PPP3CC: variants seen among roughly 807,000 people sequenced by gnomAD.
The protein encoded by PPP3CC is serine/threonine-protein phosphatase 2B catalytic subunit gamma isoform.
Under a neutral mutation model 60.3 loss-of-function variants are expected in PPP3CC, and 35 were observed. That is an observed-to-expected ratio of 0.58 (90% CI 0.44 to 0.77). The LOEUF (loss-of-function observed/expected upper bound fraction) is 0.77, where lower values mean the gene tolerates loss of function less well. PPP3CC is among the 30% of genes least tolerant of loss of function. The pLI is 0.00. For synonymous variants in PPP3CC, 206 were observed against 224.3 expected, an observed-to-expected ratio of 0.92 and a Z score of 0.73; for missense variants, 570 against 628.9, an observed-to-expected ratio of 0.91 and a Z score of 1.00.
At chr8:22,539,642 A>C in intron 13 of PPP3CC, 144 bp downstream of exon 13, 1 of 807,230 alleles carries the variant, frequency 1.2e-6, no homozygotes, top group African/African-American at 1.8e-5. Context: ...AGGCATGTTA[A>C]CGAAGCAGGT....
chr8:22,490,258 C>T (rs1180394692), intron 3 of PPP3CC, among the ~76,000 whole-genome samples: 1 of 152,114 alleles, frequency 6.6e-6, no homozygotes, highest in East Asian at 1.9e-4. Context: ...AAAGCTTGTG[C>T]AAACAGAGGT....
intron 4 of PPP3CC, among the ~76,000 whole-genome samples, chr8:22,502,360 C>T (rs372367137): frequency 2.8e-4 from 42 of 152,252 alleles, no homozygotes; most frequent in African/African-American, 9.9e-4. Flanking sequence ...TGATAATATG[C>T]TTTTGAACAA....
At chr8:22,453,718 A>G (rs1837104715) in intron 1 of PPP3CC, among the ~76,000 whole-genome samples, 1 of 152,240 alleles carries the variant, frequency 6.6e-6, no homozygotes, top group Non-Finnish European at 1.5e-5. Context: ...TATGGTATAT[A>G]GCCTATTGCT....
At chr8:22,540,296 ACT>A (rs1179930359) in intron 13 of PPP3CC, among the ~76,000 whole-genome samples, 3 of 151,768 alleles carry the variant, frequency 2.0e-5, no homozygotes, top group Non-Finnish European at 4.4e-5. Flanking sequence ...TGCATAAGAC[ACT>A]CTTTCTTAAA....
chr8:22,522,238 T>A (rs1839427779), intron 6 of PPP3CC, among the ~76,000 whole-genome samples: 1 of 151,944 alleles, frequency 6.6e-6, no homozygotes, highest in African/African-American at 2.4e-5. Flanking sequence ...GACAAAAAAA[T>A]TAAAAGATGA....
At chr8:22,464,285 A>G (rs917312504) in intron 1 of PPP3CC, among the ~76,000 whole-genome samples, 1 of 152,222 alleles carries the variant, frequency 6.6e-6, no homozygotes, top group Non-Finnish European at 1.5e-5. Context: ...AAAATTTTTA[A>G]TAAAGTAAAG....
At chr8:22,470,291 A>G (rs1386873475) in intron 1 of PPP3CC, among the ~76,000 whole-genome samples, 1 of 152,028 alleles carries the variant, frequency 6.6e-6, no homozygotes, top group Non-Finnish European at 1.5e-5. Flanking sequence ...CTGGCCCTGC[A>G]GTATAATTTA....
intron 8 of PPP3CC, among the ~76,000 whole-genome samples, chr8:22,527,065 A>G (rs1267564374): frequency 6.6e-6 from 1 of 152,192 alleles, no homozygotes; most frequent in African/African-American, 2.4e-5. Context: ...CATTTGGCCT[A>G]TAAAAGGAAA....
chr8:22,515,178 G>T (rs76333151), intron 6 of PPP3CC, among the ~76,000 whole-genome samples: 1 of 151,962 alleles, frequency 6.6e-6, no homozygotes, highest in Non-Finnish European at 1.5e-5. Context: ...CATGAGTTCA[G>T]TTGTTTTAAT....
intron 6 of PPP3CC, among the ~76,000 whole-genome samples, chr8:22,516,078 A>G (rs1839236478): frequency 6.6e-6 from 1 of 152,062 alleles, no homozygotes; most frequent in African/African-American, 2.4e-5. Flanking sequence ...AGCTGGAACT[A>G]TGGGCATGTG....
intron 12 of PPP3CC, 49 bp downstream of exon 12, chr8:22,533,067 C>T: frequency 7.4e-7 from 1 of 1,354,566 alleles, no homozygotes. Flanking sequence ...CGTTACCTAA[C>T]AGTCAGCACA....
chr8:22,461,534 G>A (rs1386803415), intron 1 of PPP3CC, among the ~76,000 whole-genome samples: 1 of 151,890 alleles, frequency 6.6e-6, no homozygotes, highest in African/African-American at 2.4e-5. Context: ...CATTTTAAAA[G>A]GTATGTGGTA....
intron 3 of PPP3CC, 149 bp from the exon 4 acceptor site, chr8:22,497,852 A>G (rs886610188): frequency 1.1e-5 from 6 of 541,930 alleles, no homozygotes; most frequent in Admixed American, 3.6e-5. Flanking sequence ...TTCTAGGGCA[A>G]TAAGTATATC....
At chr8:22,514,627 C>G (rs1046065836) in intron 6 of PPP3CC, among the ~76,000 whole-genome samples, 1 of 150,510 alleles carries the variant, frequency 6.6e-6, no homozygotes, top group Non-Finnish European at 1.5e-5. Flanking sequence ...CTTTGTGTTA[C>G]AAACAATCCA....
intron 3 of PPP3CC, among the ~76,000 whole-genome samples, chr8:22,480,571 C>CAGGT (rs1838032422): frequency 6.6e-6 from 1 of 152,192 alleles, no homozygotes; most frequent in African/African-American, 2.4e-5. Flanking sequence ...CTCCGCCTCC[C>CAGGT]AGGTTCAAGT....
At chr8:22,452,137 G>A (rs571185390) in intron 1 of PPP3CC, among the ~76,000 whole-genome samples, 41 of 151,578 alleles carry the variant, frequency 2.7e-4, no homozygotes, top group Non-Finnish European at 4.6e-4. Context: ...TCAATTGATC[G>A]TCCTGCCTCA....
intron 1 of PPP3CC, among the ~76,000 whole-genome samples, chr8:22,459,204 C>T (rs759658951): frequency 1.3e-5 from 2 of 152,160 alleles, no homozygotes; most frequent in African/African-American, 4.8e-5. Context: ...TCCCAAGTAG[C>T]TGGAATTACA....
At chr8:22,449,858 TTTTTC>T (rs1176637825) in intron 1 of PPP3CC, among the ~76,000 whole-genome samples, 1 of 151,726 alleles carries the variant, frequency 6.6e-6, no homozygotes, top group African/African-American at 2.4e-5. Flanking sequence ...GACTGTTATT[TTTTTC>T]TTTTCTTTTT....
intron 1 of PPP3CC, among the ~76,000 whole-genome samples, chr8:22,467,393 A>G (rs1466149389): frequency 6.6e-6 from 1 of 151,908 alleles, no homozygotes; most frequent in Non-Finnish European, 1.5e-5. Context: ...TCTTATTTTT[A>G]TGTGTATTTT....
Sources: allele counts gnomAD v4.1 joint callset (sites outside exome capture counted in the v4.1 genomes callset), GRCh38; gene constraint gnomAD v4.1.1; transcripts MANE v1.5; gene names NCBI Gene and HGNC (gene_info 2026-07-23, HGNC 2026-07-21).